The following CBY2 variants were observed in gnomAD, a reference collection of about 807,000 sequenced individuals.
The protein encoded by CBY2 is chibby family member 2, also known as protein chibby homolog 2.
In CBY2, 23 loss-of-function variants were observed where a neutral mutation model predicts 25.3. The ratio of observed to expected loss-of-function variants is 0.91; its 90% CI spans 0.65 to 1.29. The LOEUF is 1.29. Among genes scored for constraint, CBY2 ranks in the 50% most tolerant of loss-of-function variants. The pLI is 0.00. For missense variants in CBY2, 642 were observed against 590.7 expected, an observed-to-expected ratio of 1.09 and a Z score of -0.90; for synonymous variants, 279 against 260.2, an observed-to-expected ratio of 1.07 and a Z score of -0.70.
chr13:45,712,426 C>G (rs1039458461), intron 2 of CBY2, among the ~76,000 whole-genome samples: 3 of 152,208 alleles, frequency 2.0e-5, no homozygotes, highest in Non-Finnish European at 4.4e-5. Context: ...TAATATATAA[C>G]TGTTTCTTAT....
At position 45,713,869 on chromosome 13, in the gene CBY2, A is replaced by T. The variant is rs1334870658; in HGVS notation, c.844A>T (p.Lys282Ter). Residue 282 changes from lysine (K) to a stop codon, truncating the protein, a stop_gained, in exon 3 of 3, where the codon AAG (lysine) becomes TAG (stop). Coordinates refer to ENST00000310521, the MANE Select transcript of CBY2 (RefSeq NM_152719.3). LOFTEE classifies it high-confidence loss of function. This position sits in a 1 kb window ranked among gnomAD's most constrained non-coding sequence, Gnocchi z 5.0. ...CACGGCCGCCCCTGCCGAGGAAAGC[A>T]AGCCCGCCCCCTCACCCCACGAGGA... ...EDTAAPAEESKPAPSPHEEPC... is the reference protein window; with the variant it reads ...EDTAAPAEES The T allele has an allele frequency of 2.6e-6, 4 of 1,520,066 alleles. No homozygotes were observed. Among genetic ancestry groups the T allele is most frequent in the Non-Finnish European group, 2.6e-6 (3 of 1,136,982 alleles). 94.2% of individuals were successfully genotyped at this position (1,520,066 alleles called of 1,614,324 possible).
Position 45,702,430 on chromosome 13 carries a change from C to T in CBY2, c.40C>T (p.Leu14Phe). Residue 14 changes from leucine (L) to phenylalanine (F), a missense_variant, in exon 1 of 3, where the codon CTT (leucine) becomes TTT (phenylalanine). Coordinates refer to ENST00000310521, the MANE Select transcript of CBY2 (RefSeq NM_152719.3). ...LECSECFGDQ[L>F]LHRTYTWQLT... is the part of the protein sequence containing the mutation. Reference sequence around the variant, plus strand: ...ATGTTCTGAGTGTTTTGGTGACCAACTTCTGCATAGGACCTATACCTGGCA... The same window carrying T: ...ATGTTCTGAGTGTTTTGGTGACCAATTTCTGCATAGGACCTATACCTGGCA... 6.2e-7 allele frequency: 1 copy of T among 1,614,178 alleles called. No homozygotes were observed.
Position 45,713,031 on chromosome 13 carries a change from TTG to T in CBY2, c.157-148_157-147del, listed in dbSNP as rs1283109088. 2 of 620,710 alleles carry T rather than the reference TTG, an allele frequency of 3.2e-6. No individual in the cohort carries two copies. Among genetic ancestry groups the T allele is most frequent in the Non-Finnish European group, 5.6e-6 (2 of 355,086 alleles). 38.5% of individuals were successfully genotyped at this position (620,710 alleles called of 1,614,324 possible). On this transcript the variant is annotated intron_variant, in intron 2 of 2. Transcript: ENST00000310521. The surrounding 1 kb of genome is among the most constrained non-coding windows in gnomAD (Gnocchi z 5.0). ...AATGACAAGGATAGGCCACATTTCC[TTG>T]TGAGGACCCCAAGAAGCAAAAGCGC...
chr13:45,703,452 C>T, intron 2 of CBY2: 1 of 1,542,898 alleles, frequency 6.5e-7, no homozygotes, highest in Non-Finnish European at 8.7e-7. Flanking sequence ...GTGGAGTCCT[C>T]TTGATTGAAT....
chr13:45,710,116 A>G (rs779581179), intron 2 of CBY2, among the ~76,000 whole-genome samples: 3 of 152,192 alleles, frequency 2.0e-5, no homozygotes, highest in Non-Finnish European at 4.4e-5. Context: ...TTTTCTTCTC[A>G]GGACTGGGAT....
In CBY2 at chr13:45,702,370, A is replaced by T; in HGVS notation, c.-21A>T. 1.9e-6 allele frequency: 3 copies of T among 1,612,448 alleles called. No homozygotes were observed. The African/African-American group carries it at 4.0e-5, about 21-fold the overall frequency. On this transcript the variant is annotated 5_prime_UTR_variant, in exon 1 of 3. Coordinates refer to ENST00000310521, the MANE Select transcript of CBY2 (RefSeq NM_152719.3). Reference sequence around the variant, plus strand: ...CTCAGAGAGAAACCATGAGCCCTGAAAAACACCATATTGTTTTGTGATGTC... The same window carrying T: ...CTCAGAGAGAAACCATGAGCCCTGATAAACACCATATTGTTTTGTGATGTC...
chr13:45,712,328 A>G (rs1286686056), intron 2 of CBY2, among the ~76,000 whole-genome samples: 1 of 152,240 alleles, frequency 6.6e-6, no homozygotes, highest in African/African-American at 2.4e-5. Flanking sequence ...AGCTCAAATA[A>G]CTTGCTCAAA....
chr13:45,713,989 A>G lies in CBY2; in HGVS notation c.964A>G (p.Lys322Glu), dbSNP rs1409407535. 5 of 1,506,370 alleles carry G rather than the reference A, an allele frequency of 3.3e-6. No individual in the cohort carries two copies. Among genetic ancestry groups the G allele is most frequent in the Non-Finnish European group, 4.4e-6 (5 of 1,131,180 alleles). 93.3% of individuals were successfully genotyped at this position (1,506,370 alleles called of 1,614,324 possible). A position where few individuals can be genotyped will look rare whatever the true frequency, so the allele number is the denominator to read the frequency against. Reference sequence around the variant, plus strand: ...GCCTCCGGCCCGGCAGGAGGACTCCAAGGAGCTGCGCGCCCTGCGGAAGAT... The same window carrying G: ...GCCTCCGGCCCGGCAGGAGGACTCCGAGGAGCTGCGCGCCCTGCGGAAGAT... Reference protein sequence around the residue: ...KGPPARQEDSKELRALRKMVS... With the variant: ...KGPPARQEDSEELRALRKMVS... Residue 322 changes from lysine (K) to glutamate (E), a missense_variant, in exon 3 of 3, where the codon AAG becomes GAG. By Grantham distance (56) the Lys-to-Glu change is moderately conservative. Coordinates refer to ENST00000310521, the MANE Select transcript of CBY2 (RefSeq NM_152719.3). This position sits in a 1 kb window ranked among gnomAD's most constrained non-coding sequence, Gnocchi z 5.0.
At chr13:45,711,249 C>A (rs1176747466) in intron 2 of CBY2, among the ~76,000 whole-genome samples, 1 of 152,138 alleles carries the variant, frequency 6.6e-6, no homozygotes, top group African/African-American at 2.4e-5. Flanking sequence ...CCTTATGGTT[C>A]TTTGGCACTG....
rs773358956 is a variant in CBY2, at chr13:45,702,429, A to C, written c.39A>C (p.Gln13His). 2 of 1,614,140 alleles carry C rather than the reference A, an allele frequency of 1.2e-6. No homozygotes were observed. The highest frequency in any genetic ancestry group is 1.7e-6 in the Non-Finnish European group (2 of 1,180,002). Residue 13 changes from glutamine (Q) to histidine (H), a missense_variant, in exon 1 of 3, where the codon CAA (glutamine) becomes CAC (histidine). By Grantham distance (24) the Gln-to-His change is conservative (BLOSUM62 0). Coordinates refer to ENST00000310521, the MANE Select transcript of CBY2 (RefSeq NM_152719.3). ...AATGTTCTGAGTGTTTTGGTGACCA[A>C]CTTCTGCATAGGACCTATACCTGGC... ...PLECSECFGDQLLHRTYTWQL... is the reference protein window; with the variant it reads ...PLECSECFGDHLLHRTYTWQL...
intron 2 of CBY2, among the ~76,000 whole-genome samples, chr13:45,706,806 C>G (rs1013519482): frequency 6.6e-6 from 1 of 152,088 alleles, no homozygotes; most frequent in African/African-American, 2.4e-5. Context: ...TACCACTGGT[C>G]GAGGAGTCCT....
chr13:45,703,584 A>G (rs565352947), intron 2 of CBY2: 40 of 1,550,948 alleles, frequency 2.6e-5, no homozygotes, highest in African/African-American at 9.6e-5. Flanking sequence ...GAGGAATCCA[A>G]TGCAGAGGTA....
In CBY2 at chr13:45,714,436, C is replaced by T; in HGVS notation, c.*64C>T. The stretch of plus-strand genomic sequence containing the variant: ...CGAACACTGGGCAAAAGAGAATCCC[C>T]TGCCTTCCTTTGTCGTCCTCGCCTT... On this transcript the variant is annotated 3_prime_UTR_variant, in exon 3 of 3. Transcript: ENST00000310521. 7.2e-7 allele frequency: 1 copy of T among 1,393,754 alleles called. No individual in the cohort carries two copies. The highest frequency in any genetic ancestry group is 9.7e-7 in the Non-Finnish European group (1 of 1,034,842). The allele number at this position is 1,393,754 out of a possible 1,614,324, so 86.3% of individuals were successfully genotyped here. A position where few individuals can be genotyped will look rare whatever the true frequency, so the allele number is the denominator to read the frequency against.
chr13:45,705,636 C>G (rs1950235757), intron 2 of CBY2, among the ~76,000 whole-genome samples: 1 of 152,200 alleles, frequency 6.6e-6, no homozygotes, highest in Admixed American at 6.5e-5. Context: ...TGTGAATTAT[C>G]CTTTTACCTG....
At chr13:45,708,259 C>A (rs1450521613) in intron 2 of CBY2, among the ~76,000 whole-genome samples, 3 of 152,212 alleles carry the variant, frequency 2.0e-5, no homozygotes, top group Non-Finnish European at 4.4e-5. Flanking sequence ...AAAGGTCATG[C>A]ACTCATATAG....
chr13:45,706,702 G>T, intron 2 of CBY2, among the ~76,000 whole-genome samples: 1 of 152,126 alleles, frequency 6.6e-6, no homozygotes, highest in Non-Finnish European at 1.5e-5. Context: ...ACATTACTGG[G>T]GTGTTCTTGG....
In CBY2 at chr13:45,714,514, CAG is replaced by C. The variant is rs1461573576; in HGVS notation, c.*145_*146del. On this transcript the variant is annotated 3_prime_UTR_variant, in exon 3 of 3. Transcript: ENST00000310521. ...GCAGCGTTAGCAGCCTTCCTAAACT[CAG>C]AGTTTTAATAAAGGTGTGAGGAGGC... 5.7e-6 allele frequency: 4 copies of C among 696,736 alleles called. No individual in the cohort carries two copies. Among genetic ancestry groups the C allele is most frequent in the South Asian group, 2.5e-5 (1 of 39,634 alleles). 43.2% of individuals were successfully genotyped at this position (696,736 alleles called of 1,614,324 possible). A position where few individuals can be genotyped will look rare whatever the true frequency, so the allele number is the denominator to read the frequency against.
intron 2 of CBY2, among the ~76,000 whole-genome samples, chr13:45,706,302 G>A (rs1281481916): frequency 6.6e-6 from 1 of 152,168 alleles, no homozygotes; most frequent in Non-Finnish European, 1.5e-5. Context: ...TTACCAAGGA[G>A]GGCACCAGAC....
In CBY2 at chr13:45,714,082, T is replaced by C. The variant is rs1472973672; in HGVS notation, c.1057T>C (p.Cys353Arg). 6.5e-7 allele frequency: 1 copy of C among 1,534,292 alleles called. No homozygotes were observed. Among genetic ancestry groups the C allele is most frequent in the Admixed American group, 2.1e-5 (1 of 47,686 alleles). Reference sequence around the variant, plus strand: ...GGTGGGCCCGGGCCTGCCCGACGGCTGCCAGCCCCTGCAGCTGCTGAGAGA... The same window carrying C: ...GGTGGGCCCGGGCCTGCCCGACGGCCGCCAGCCCCTGCAGCTGCTGAGAGA... Reference protein sequence around the residue: ...AKVGPGLPDGCQPLQLLREMR... With the variant: ...AKVGPGLPDGRQPLQLLREMR... Residue 353 changes from cysteine (C) to arginine (R), a missense_variant, in exon 3 of 3, where the codon TGC becomes CGC. Transcript: ENST00000310521.
Sources: gnomAD v4.1 joint callset for allele counts (sites outside exome capture counted in the v4.1 genomes callset) on GRCh38, gnomAD v4.1.1 for gene constraint, Gnocchi (gnomAD v3.1) non-coding constraint, MANE v1.5 for transcripts, NCBI Gene and HGNC (gene_info 2026-07-23, HGNC 2026-07-21) for gene names.